Variants in OSBPL3 observed in about 807,000 individuals in gnomAD.
OSBPL3 encodes the protein oxysterol binding protein like 3.
A neutral mutation model predicts 120.1 loss-of-function variants in OSBPL3; 65 were observed. That is an observed-to-expected ratio of 0.54 (90% CI 0.44 to 0.67). The LOEUF (loss-of-function observed/expected upper bound fraction) is 0.67. Among genes scored for constraint, OSBPL3 ranks in the 30% least tolerant of loss-of-function variants. The probability of loss-of-function intolerance (pLI) is 0.00; values close to 1 mark genes in which losing one functional copy is unlikely to be tolerated. For missense variants in OSBPL3, 1,004 were observed against 1,082.1 expected (o/e 0.93, Z 1.01); for synonymous variants, 416 against 402.6 (o/e 1.03, Z -0.40).
intron 14 of OSBPL3, among the ~76,000 whole-genome samples, chr7:24,839,543 GTTGTT>G (rs776120344): frequency 6.6e-6 from 1 of 152,154 alleles, no homozygotes; most frequent in Non-Finnish European, 1.5e-5. Context: ...TTTCAAATGT[GTTGTT>G]TTGAAGACTC....
In OSBPL3 at chr7:24,888,516, G is replaced by C. The variant is rs148234022; in HGVS notation, c.96+3861C>G. On this transcript the variant is annotated intron_variant, in intron 2 of 22. Transcript: ENST00000313367. ...GACAGGTTGTTTTCATACTGGCAAA[G>C]TGAGGCTTATTGTTTTTAAAATCTC... 4.2e-4 allele frequency among the ~76,000 whole-genome samples: 64 copies of C among 152,300 alleles called. No homozygotes were observed. In the East Asian group the frequency reaches 0.01, roughly 25 times the overall value.
At position 24,822,223 on chromosome 7, in the gene OSBPL3, T is replaced by C. The variant is rs1174631812; in HGVS notation, c.1885-1985A>G. ...CTTGGAGATACCTTATATTAAAAAA[T>C]GCTACATTCTTCTCCTTTTCTTCAC... On this transcript the variant is annotated intron_variant, in intron 16 of 22. Transcript: ENST00000313367. This position sits in a 1 kb window ranked among gnomAD's most constrained non-coding sequence, Gnocchi z 5.8. Among the ~76,000 whole-genome samples, 1 of 152,192 alleles carries C rather than the reference T, an allele frequency of 6.6e-6. No homozygotes were observed. Among genetic ancestry groups the C allele is most frequent in the Non-Finnish European group, 1.5e-5 (1 of 68,036 alleles).
chr7:24,935,427 C>T (rs1295373318), intron 1 of OSBPL3, among the ~76,000 whole-genome samples: 2 of 151,848 alleles, frequency 1.3e-5, no homozygotes, highest in Non-Finnish European at 2.9e-5. Flanking sequence ...TATATATTTC[C>T]ATAAAATGTT....
In OSBPL3 at chr7:24,809,825, C is replaced by T; in HGVS notation, c.2299G>A (p.Ala767Thr). 1.9e-6 allele frequency: 3 copies of T among 1,614,120 alleles called. No individual in the cohort carries two copies. The highest frequency in any genetic ancestry group is 2.5e-6 in the Non-Finnish European group (3 of 1,180,014). Residue 767 changes from alanine to threonine, a missense_variant, in exon 20 of 23, where the codon GCC becomes ACC. Transcript: ENST00000313367. ...SIYCGGGSSS[A>T]CVWRANPMPK... ...CACTCACTTGCTCTCCATACACAGG[C>T]AGAAGAGGAGCCGCCGCCACAGTAG...
chr7:24,950,008 G>T (rs973075133), intron 1 of OSBPL3, among the ~76,000 whole-genome samples: 72 of 152,110 alleles, frequency 4.7e-4, no homozygotes, highest in African/African-American at 1.6e-3. Context: ...ATGTTTATAA[G>T]TCAACAGCTT....
In OSBPL3 at chr7:24,940,498, A is replaced by G. The variant is rs575779268; in HGVS notation, c.-150+39388T>C. ...GTGCAGATCAGGGAATAAATTCACA[A>G]TGAGTCTGAAGAAAAGGTTTAGTGA... On this transcript the variant is annotated intron_variant, in intron 1 of 22. Coordinates refer to ENST00000313367, the MANE Select transcript of OSBPL3 (RefSeq NM_015550.4). The surrounding 1 kb of genome is among the most constrained non-coding windows in gnomAD (Gnocchi z 4.4). Among the ~76,000 whole-genome samples, 2 of 152,328 alleles carry G rather than the reference A, an allele frequency of 1.3e-5. No homozygotes were observed. Among genetic ancestry groups the G allele is most frequent in the South Asian group, 4.1e-4 (2 of 4,820 alleles).
At chr7:24,961,012 T>TA (rs1815670004) in intron 1 of OSBPL3, among the ~76,000 whole-genome samples, 1 of 152,202 alleles carries the variant, frequency 6.6e-6, no homozygotes, top group South Asian at 2.1e-4. Flanking sequence ...TAATTAAACT[T>TA]CGAAATAATT....
At chr7:24,911,772 C>T (rs1808857357) in intron 1 of OSBPL3, among the ~76,000 whole-genome samples, 1 of 152,156 alleles carries the variant, frequency 6.6e-6, no homozygotes, top group South Asian at 2.1e-4. Flanking sequence ...GGAAGTTTTA[C>T]TCACTTCTAG....
chr7:24,856,647 A>G (rs1799876798), intron 10 of OSBPL3, among the ~76,000 whole-genome samples: 1 of 152,190 alleles, frequency 6.6e-6, no homozygotes, highest in African/African-American at 2.4e-5. Context: ...TTTGTCCAAA[A>G]TACGTTTCTA....
rs1793353728 is a variant in OSBPL3, at chr7:24,808,510, A to C, written c.2317+1297T>G. Among the ~76,000 whole-genome samples, 1 of 152,210 alleles carries C rather than the reference A, an allele frequency of 6.6e-6. No individual in the cohort carries two copies. Among genetic ancestry groups the C allele is most frequent in the African/African-American group, 2.4e-5 (1 of 41,458 alleles). On this transcript the variant is annotated intron_variant, in intron 20 of 22. Coordinates refer to ENST00000313367, the MANE Select transcript of OSBPL3 (RefSeq NM_015550.4). The surrounding 1 kb of genome is among the most constrained non-coding windows in gnomAD (Gnocchi z 4.6). ...TGCATACTTTAAGCAAAGGAGACAG[A>C]CTGTGCCATTTGCAAAATCTCATGC...
At chr7:24,812,542 T>C (rs968507548) in intron 19 of OSBPL3, among the ~76,000 whole-genome samples, 38 of 152,010 alleles carry the variant, frequency 2.5e-4, no homozygotes, top group Admixed American at 1.9e-3. Flanking sequence ...TCTAGCACCC[T>C]AGAGTTGGTT....
At position 24,937,951 on chromosome 7, in the gene OSBPL3, G is replaced by A. The variant is rs145241043; in HGVS notation, c.-150+41935C>T. ...ATTAGGATGTGGACAGTGAAGGACA[G>A]AGAAGAAAACTATGGAGTGTTCTGC... On this transcript the variant is annotated intron_variant, in intron 1 of 22. Transcript: ENST00000313367. The surrounding 1 kb of genome is among the most constrained non-coding windows in gnomAD (Gnocchi z 4.0). Among the ~76,000 whole-genome samples, 4 of 152,338 alleles carry A rather than the reference G, an allele frequency of 2.6e-5. No homozygotes were observed. The East Asian group carries it at 7.7e-4, about 29-fold the overall frequency.
At position 24,964,208 on chromosome 7, in the gene OSBPL3, C is replaced by T. The variant is rs907510871; in HGVS notation, c.-150+15678G>A. Among the ~76,000 whole-genome samples the T allele has an allele frequency of 2.0e-5, 3 of 152,156 alleles. No homozygotes were observed. Among genetic ancestry groups the T allele is most frequent in the Non-Finnish European group, 4.4e-5 (3 of 68,032 alleles). On this transcript the variant is annotated intron_variant, in intron 1 of 22. Coordinates refer to ENST00000313367, the MANE Select transcript of OSBPL3 (RefSeq NM_015550.4). The surrounding 1 kb of genome is among the most constrained non-coding windows in gnomAD (Gnocchi z 4.2). ...TAGCTACACCACCCTCAAGGAAGTG[C>T]AGTGTAACTCCCCACTCCTTAAGTA...
chr7:24,950,155 C>A (rs1188287519), intron 1 of OSBPL3, among the ~76,000 whole-genome samples: 1 of 152,224 alleles, frequency 6.6e-6, no homozygotes, highest in African/African-American at 2.4e-5. Context: ...CATTTTGCCA[C>A]ACTGCCTTTC....
rs1809998212 is a variant in OSBPL3, at chr7:24,918,485, A to G, written c.-149-25864T>C. On this transcript the variant is annotated intron_variant, in intron 1 of 22. Coordinates refer to ENST00000313367, the MANE Select transcript of OSBPL3 (RefSeq NM_015550.4). The surrounding 1 kb of genome is among the most constrained non-coding windows in gnomAD (Gnocchi z 4.3). ...AGAGTTAAAACACTAAGTCAGCTGG[A>G]TAAACTACTCATGAAAATCTTGTGG... 6.6e-6 allele frequency among the ~76,000 whole-genome samples: 1 copy of G among 152,264 alleles called. No homozygotes were observed. Among genetic ancestry groups the G allele is most frequent in the South Asian group, 2.1e-4 (1 of 4,838 alleles).
At chr7:24,880,475 G>A (rs1803520970) in intron 2 of OSBPL3, among the ~76,000 whole-genome samples, 1 of 152,060 alleles carries the variant, frequency 6.6e-6, no homozygotes, top group African/African-American at 2.4e-5. Flanking sequence ...GCATGTTTCT[G>A]CCCTCCATAC....
At chr7:24,837,896 A>T (rs1459485466) in intron 14 of OSBPL3, among the ~76,000 whole-genome samples, 1 of 152,244 alleles carries the variant, frequency 6.6e-6, no homozygotes, top group Non-Finnish European at 1.5e-5. Context: ...GCATAGAGAC[A>T]GGTCCTAATA....
At chr7:24,942,232 G>A (rs941461556) in intron 1 of OSBPL3, among the ~76,000 whole-genome samples, 2 of 151,744 alleles carry the variant, frequency 1.3e-5, no homozygotes, top group African/African-American at 2.4e-5. Flanking sequence ...CATACCATAC[G>A]GAATGAACTA....
At chr7:24,902,460 C>T (rs1421803329) in intron 1 of OSBPL3, among the ~76,000 whole-genome samples, 3 of 152,084 alleles carry the variant, frequency 2.0e-5, no homozygotes, top group Non-Finnish European at 2.9e-5. Context: ...TGAACTTCCT[C>T]GTTCAGTTGT....
Sources: gnomAD v4.1 joint callset for allele counts (sites outside exome capture counted in the v4.1 genomes callset) on GRCh38, gnomAD v4.1.1 for gene constraint, Gnocchi (gnomAD v3.1) non-coding constraint, MANE v1.5 for transcripts, NCBI Gene and HGNC (gene_info 2026-07-23, HGNC 2026-07-21) for gene names.